ST3GAL2: variants seen among roughly 807,000 people sequenced by gnomAD.
ST3GAL2 encodes the protein ST3 beta-galactoside alpha-2,3-sialyltransferase 2.
Under a neutral mutation model 37.5 loss-of-function variants are expected in ST3GAL2, and 16 were observed. The observed-to-expected ratio is 0.43, with a 90% CI of 0.29 to 0.65. The LOEUF (loss-of-function observed/expected upper bound fraction) is 0.65, where lower values mean the gene tolerates loss of function less well. Ranked by LOEUF, ST3GAL2 falls within the 30% of genes least tolerant of loss-of-function variation. The probability of loss-of-function intolerance (pLI) is 0.17; values close to 1 mark genes in which losing one functional copy is unlikely to be tolerated. For missense variants in ST3GAL2, 383 were observed against 487.8 expected (o/e 0.79, Z 2.02); for synonymous variants, 238 against 202.9 (o/e 1.17, Z -1.47).
At chr16:70,425,292 T>C (rs2047742090) in intron 1 of ST3GAL2, among the ~76,000 whole-genome samples, 1 of 152,142 alleles carries the variant, frequency 6.6e-6, no homozygotes. Context: ...TGAAAGCCTG[T>C]CTCTGATAAA....
chr16:70,418,494 CT>C (rs1344391437), intron 1 of ST3GAL2, among the ~76,000 whole-genome samples: 1 of 152,194 alleles, frequency 6.6e-6, no homozygotes, highest in African/African-American at 2.4e-5. Flanking sequence ...GACAGGAATA[CT>C]AACCACCAGC....
intron 1 of ST3GAL2, among the ~76,000 whole-genome samples, chr16:70,424,982 T>C (rs1270361804): frequency 2.6e-5 from 4 of 152,136 alleles, no homozygotes; most frequent in African/African-American, 9.7e-5. Flanking sequence ...TGGCCAAGCC[T>C]GGGTTACAGG....
At chr16:70,425,976 G>T (rs2047746902) in intron 1 of ST3GAL2, among the ~76,000 whole-genome samples, 1 of 152,142 alleles carries the variant, frequency 6.6e-6, no homozygotes, top group Non-Finnish European at 1.5e-5. Flanking sequence ...GGGTGGCCTG[G>T]AGTAAACACT....
rs540718375 is a variant in ST3GAL2 at position 70,407,828 on chromosome 16, G to A, written c.-1003-8295C>T. The stretch of plus-strand genomic sequence containing the variant: ...ATTCTCGGTCAGATCCCAGGAGACA[G>A]CCATCAACGACTTAACCTAATGAAG... On this transcript the variant is annotated intron_variant, in intron 1 of 6. Coordinates refer to ENST00000342907, the MANE Select transcript of ST3GAL2 (RefSeq NM_006927.4). Among the ~76,000 whole-genome samples the A allele has an allele frequency of 2.9e-4, 44 of 152,344 alleles. 1 individual carries two copies. Among genetic ancestry groups the A allele is most frequent in the Middle Eastern group, 3.4e-3 (1 of 294 alleles).
chr16:70,425,334 C>A (rs1262158720), intron 1 of ST3GAL2, among the ~76,000 whole-genome samples: 2 of 152,098 alleles, frequency 1.3e-5, no homozygotes, highest in Non-Finnish European at 2.9e-5. Context: ...TGGTGATGTG[C>A]GCCTGTAGTT....
intron 6 of ST3GAL2, among the ~76,000 whole-genome samples, chr16:70,382,322 G>A (rs921018783): frequency 2.6e-5 from 4 of 151,712 alleles, no homozygotes; most frequent in Non-Finnish European, 4.4e-5. Flanking sequence ...TCATTCTGTC[G>A]CCCAGGCTGG....
At chr16:70,414,889 T>C (rs925281442) in intron 1 of ST3GAL2, among the ~76,000 whole-genome samples, 1 of 151,876 alleles carries the variant, frequency 6.6e-6, no homozygotes, top group South Asian at 2.1e-4. Flanking sequence ...TATTTATTTT[T>C]TTGAGACGGA....
chr16:70,393,831 C>T (rs2047497921), intron 3 of ST3GAL2: 2 of 152,210 alleles, frequency 1.3e-5, no homozygotes, highest in Non-Finnish European at 2.9e-5. Context: ...ATATTGCTGC[C>T]TTCGTGTTGC....
At chr16:70,424,621 A>G (rs2047738447) in intron 1 of ST3GAL2, among the ~76,000 whole-genome samples, 1 of 152,090 alleles carries the variant, frequency 6.6e-6, no homozygotes, top group Admixed American at 6.5e-5. Context: ...AAATAAATAA[A>G]TAAATAAATA....
chr16:70,417,455 C>G (rs1171627069), intron 1 of ST3GAL2, among the ~76,000 whole-genome samples: 1 of 152,202 alleles, frequency 6.6e-6, no homozygotes, highest in Non-Finnish European at 1.5e-5. Flanking sequence ...GCGCGTCCAT[C>G]CTATGGGACA....
chr16:70,432,560 C>T (rs528355208), intron 1 of ST3GAL2, among the ~76,000 whole-genome samples: 2 of 152,274 alleles, frequency 1.3e-5, no homozygotes, highest in South Asian at 4.1e-4. Flanking sequence ...ACAAGAAGTA[C>T]GCTAAAATGG....
chr16:70,382,657 A>T, intron 6 of ST3GAL2, 148 bp downstream of exon 6: 1 of 1,215,888 alleles, frequency 8.2e-7, no homozygotes, highest in Non-Finnish European at 1.1e-6. Context: ...AGGCATATCT[A>T]TACTTTACAG....
At chr16:70,402,910 C>T (rs1439596026) in intron 1 of ST3GAL2, among the ~76,000 whole-genome samples, 1 of 152,164 alleles carries the variant, frequency 6.6e-6, no homozygotes, top group Non-Finnish European at 1.5e-5. Context: ...CTCAGCCTCC[C>T]AAAGTGCTGG....
At chr16:70,432,148 T>C (rs532652355) in intron 1 of ST3GAL2, among the ~76,000 whole-genome samples, 1 of 152,110 alleles carries the variant, frequency 6.6e-6, no homozygotes, top group South Asian at 2.1e-4. Context: ...CGAGGCCCCA[T>C]TTAGCATGAT....
intron 1 of ST3GAL2, among the ~76,000 whole-genome samples, chr16:70,433,347 C>G (rs1052197314): frequency 2.0e-5 from 3 of 152,136 alleles, no homozygotes; most frequent in Admixed American, 2.0e-4. Context: ...CCAGTTTGCC[C>G]TCGGTCTGCT....
At chr16:70,407,501 A>G (rs2047600842) in intron 1 of ST3GAL2, among the ~76,000 whole-genome samples, 1 of 152,190 alleles carries the variant, frequency 6.6e-6, no homozygotes, top group Non-Finnish European at 1.5e-5. Context: ...CCATTTATCA[A>G]TAAATGTCCC....
In ST3GAL2 at chr16:70,389,202, C is replaced by CA. The variant is rs1160368910; in HGVS notation, c.534-657dup. ...AGACCACGGTGAAACCCCATCTCTACAAAAAAAAAAAAAAAAAAAAAAAAA... is the reference window on the plus strand; with the variant it reads ...AGACCACGGTGAAACCCCATCTCTACAAAAAAAAAAAAAAAAAAAAAAAAAA... On this transcript the variant is annotated intron_variant, in intron 3 of 6. Transcript: ENST00000342907. 1.5e-3 allele frequency among the ~76,000 whole-genome samples: 40 copies of CA among 27,374 alleles called. 13 individuals carry two copies. The highest frequency in any genetic ancestry group is 8.9e-3 in the East Asian group (4 of 448). 18.0% of individuals were successfully genotyped at this position (27,374 alleles called of 152,430 possible).
intron 3 of ST3GAL2, among the ~76,000 whole-genome samples, chr16:70,394,671 C>G (rs940812067): frequency 6.6e-6 from 1 of 152,068 alleles, no homozygotes; most frequent in Non-Finnish European, 1.5e-5. Flanking sequence ...AACCACCATG[C>G]CCTGCCTCTG....
intron 1 of ST3GAL2, among the ~76,000 whole-genome samples, chr16:70,435,794 C>CAAAATAAAAT (rs375297989): frequency 0.029 from 4,114 of 141,286 alleles, 151 homozygotes; most frequent in East Asian, 0.18. Context: ...AACCTCGTCT[C>CAAAATAAAAT]AAAATAAAAT....
Sources: gnomAD v4.1 joint callset for allele counts (sites outside exome capture counted in the v4.1 genomes callset) on GRCh38, gnomAD v4.1.1 for gene constraint, MANE v1.5 for transcripts, NCBI Gene and HGNC (gene_info 2026-07-23, HGNC 2026-07-21) for gene names.